The following SLX4IP variants were observed in gnomAD, a reference collection of about 807,000 sequenced individuals.
The protein encoded by SLX4IP is protein SLX4IP.
In SLX4IP, 34 loss-of-function variants were observed where a neutral mutation model predicts 32.9. That is an observed-to-expected ratio of 1.03 (90% confidence interval 0.79 to 1.38). The LOEUF (loss-of-function observed/expected upper bound fraction) is 1.38. Ranked by LOEUF, SLX4IP falls within the 40% of genes most tolerant of loss-of-function variation. The pLI, the probability that SLX4IP is intolerant of heterozygous loss-of-function variation, is 0.00. For missense variants in SLX4IP, 444 were observed against 479.0 expected (o/e 0.93, Z 0.68); for synonymous variants, 172 against 171.7 (o/e 1.00, Z -0.01).
At chr20:10,449,214 A>G (rs980391345) in intron 1 of SLX4IP, among the ~76,000 whole-genome samples, 1 of 152,220 alleles carries the variant, frequency 6.6e-6, no homozygotes, top group Non-Finnish European at 1.5e-5. Context: ...GACTTTCCAG[A>G]TGTGTTATGG....
intron 2 of SLX4IP, among the ~76,000 whole-genome samples, chr20:10,490,730 C>T (rs545825412): frequency 2.6e-5 from 4 of 152,098 alleles, no homozygotes; most frequent in Non-Finnish European, 5.9e-5. Context: ...AAATTATTGG[C>T]CATATAGTGA....
chr20:10,565,774 T>G (rs1055137766), intron 4 of SLX4IP, among the ~76,000 whole-genome samples: 1 of 152,170 alleles, frequency 6.6e-6, no homozygotes, highest in Non-Finnish European at 1.5e-5. Flanking sequence ...AGCTATTGCC[T>G]AACAGCCTGA....
intron 2 of SLX4IP, among the ~76,000 whole-genome samples, chr20:10,490,502 A>G (rs1317441020): frequency 6.6e-6 from 1 of 152,152 alleles, no homozygotes; most frequent in Non-Finnish European, 1.5e-5. Flanking sequence ...AGTCTCATAG[A>G]ACCTTCTGAC....
intron 1 of SLX4IP, among the ~76,000 whole-genome samples, chr20:10,457,699 T>A (rs1325449785): frequency 6.6e-6 from 1 of 152,214 alleles, no homozygotes; most frequent in African/African-American, 2.4e-5. Context: ...GGTATCAGGA[T>A]GATACTGGCT....
At chr20:10,537,605 A>G (rs959909812) in intron 2 of SLX4IP, among the ~76,000 whole-genome samples, 10 of 152,190 alleles carry the variant, frequency 6.6e-5, no homozygotes, top group Non-Finnish European at 1.0e-4. Flanking sequence ...TTTATGCTGG[A>G]TCAGTTTGAT....
chr20:10,621,361 A>G lies in SLX4IP; in HGVS notation c.453A>G (p.Ala151=), dbSNP rs75227075. The change falls in exon 7 of 8, where the codon GCA becomes GCG. Residue 151 remains alanine, a synonymous_variant. Transcript: ENST00000334534. The part of the protein sequence containing the change: ...HGVSDYFAEC[A]ESSLPPSAKL... ...TGTCTGATTACTTTGCTGAGTGTGC[A>G]GAGAGTTCACTTCCTCCCAGTGCAA... 6.8e-4 allele frequency: 1,100 copies of G among 1,614,196 alleles called. 8 individuals are homozygous for G. The African/African-American group carries it at 0.013, about 19-fold the overall frequency.
chr20:10,587,225 T>G (rs536580380), intron 4 of SLX4IP, among the ~76,000 whole-genome samples: 33 of 152,040 alleles, frequency 2.2e-4, no homozygotes, highest in South Asian at 1.2e-3. Flanking sequence ...AAAAGTCAAT[T>G]TGTAATATTT....
intron 6 of SLX4IP, chr20:10,614,289 G>A: frequency 1.7e-6 from 1 of 596,856 alleles, no homozygotes; most frequent in Non-Finnish European, 3.0e-6. Context: ...AATTCATGAA[G>A]TCCTACCTTG....
intron 2 of SLX4IP, among the ~76,000 whole-genome samples, chr20:10,486,342 G>GCA (rs1329533197): frequency 8.0e-6 from 1 of 125,370 alleles, no homozygotes; most frequent in Non-Finnish European, 1.8e-5. Flanking sequence ...ACATTACCAT[G>GCA]CACAGAGTGG....
chr20:10,601,696 A>T (rs1163486090), intron 5 of SLX4IP, 35 bp from the exon 6 acceptor site: 7 of 1,572,394 alleles, frequency 4.5e-6, no homozygotes, highest in Non-Finnish European at 5.2e-6. Context: ...TAGTTTTTTG[A>T]CACCTTTAAA....
intron 2 of SLX4IP, among the ~76,000 whole-genome samples, chr20:10,527,798 T>C (rs1326021638): frequency 1.3e-5 from 2 of 152,230 alleles, no homozygotes; most frequent in Non-Finnish European, 2.9e-5. Flanking sequence ...GCTAATATAG[T>C]ACCTAAGTTT....
intron 2 of SLX4IP, among the ~76,000 whole-genome samples, chr20:10,518,408 C>T (rs6040004): frequency 0.061 from 4,539 of 74,652 alleles, 286 homozygotes; most frequent in Admixed American, 0.16. Flanking sequence ...TCTTTCTTTC[C>T]TTCCTTCCTT....
At chr20:10,600,811 A>G (rs2066832312) in intron 5 of SLX4IP, among the ~76,000 whole-genome samples, 1 of 152,168 alleles carries the variant, frequency 6.6e-6, no homozygotes, top group African/African-American at 2.4e-5. Flanking sequence ...TTCTATCACA[A>G]ATATCAGACA....
chr20:10,446,770 G>A (rs531420624), intron 1 of SLX4IP, among the ~76,000 whole-genome samples: 1 of 151,960 alleles, frequency 6.6e-6, no homozygotes, highest in Non-Finnish European at 1.5e-5. Flanking sequence ...ATCCTTCTTG[G>A]TGAGATATCT....
rs537933504 is a variant in SLX4IP, at chr20:10,604,090, TG to T, written c.405+2272del. Among the ~76,000 whole-genome samples, 21 of 152,320 alleles carry T rather than the reference TG, an allele frequency of 1.4e-4. No homozygotes were observed. The South Asian group carries it at 4.3e-3, about 32-fold the overall frequency. Reference sequence around the variant, plus strand: ...GGCTCCTGTGAGTATTCCCTGGACTTGCTTCAAGCTTTGAATTCTTATATCA... The same window carrying T: ...GGCTCCTGTGAGTATTCCCTGGACTTCTTCAAGCTTTGAATTCTTATATCA... On this transcript the variant is annotated intron_variant, in intron 6 of 7. Coordinates refer to ENST00000334534, the MANE Select transcript of SLX4IP (RefSeq NM_001009608.3).
intron 4 of SLX4IP, among the ~76,000 whole-genome samples, chr20:10,588,042 C>G (rs1207064537): frequency 6.6e-6 from 1 of 151,304 alleles, no homozygotes; most frequent in African/African-American, 2.4e-5. Flanking sequence ...GAAAAGGTAA[C>G]CTATAGAATG....
chr20:10,516,221 TG>T (rs2065848244), intron 2 of SLX4IP, among the ~76,000 whole-genome samples: 1 of 152,186 alleles, frequency 6.6e-6, no homozygotes, highest in African/African-American at 2.4e-5. Flanking sequence ...CCTTAGTATC[TG>T]GGATAGTGGT....
chr20:10,473,443 C>T (rs1031482298), intron 2 of SLX4IP, among the ~76,000 whole-genome samples: 1 of 152,140 alleles, frequency 6.6e-6, no homozygotes, highest in Non-Finnish European at 1.5e-5. Context: ...AAGTGTTTAG[C>T]ACAGTACCAA....
chr20:10,448,809 A>G (rs1158254570), intron 1 of SLX4IP, among the ~76,000 whole-genome samples: 1 of 152,232 alleles, frequency 6.6e-6, no homozygotes, highest in African/African-American at 2.4e-5. Context: ...TAAATATTCA[A>G]TATATGGTAT....
Sources: gnomAD v4.1 joint callset for allele counts (sites outside exome capture counted in the v4.1 genomes callset) on GRCh38, gnomAD v4.1.1 for gene constraint, MANE v1.5 for transcripts, NCBI Gene and HGNC (gene_info 2026-07-23, HGNC 2026-07-21) for gene names.